Variants in IST1 observed in about 807,000 individuals in gnomAD.
IST1 encodes IST1 factor associated with ESCRT-III, also known as IST1 homolog.
A neutral mutation model predicts 37.0 loss-of-function variants in IST1; 23 were observed. The observed-to-expected ratio is 0.62, with a 90% CI of 0.45 to 0.88. The LOEUF is 0.88. Ranked by LOEUF, IST1 falls within the 40% of genes least tolerant of loss-of-function variation. The pLI, the probability that IST1 is intolerant of heterozygous loss-of-function variation, is 0.00. For synonymous variants in IST1, 180 were observed against 161.7 expected (o/e 1.11, Z -0.86); for missense variants, 488 against 445.4 (o/e 1.10, Z -0.86).
rs748584204 is a variant in IST1 at position 71,929,180 on chromosome 16, C to T, written c.*1367C>T. 7 of 184,156 alleles carry T rather than the reference C, an allele frequency of 3.8e-5. No homozygotes were observed. The highest frequency in any genetic ancestry group is 8.0e-5 in the Non-Finnish European group (7 of 87,106). 11.4% of individuals were successfully genotyped at this position (184,156 alleles called of 1,614,324 possible). A position where few individuals can be genotyped will look rare whatever the true frequency, so the allele number is the denominator to read the frequency against. The stretch of plus-strand genomic sequence containing the variant: ...AGCCCAGATAGCATCTGTGAATTTC[C>T]TTGGTCTTCCTCAGTGGCAGGGCTC... On this transcript the variant is annotated 3_prime_UTR_variant, in exon 10 of 10. Coordinates refer to ENST00000378799, the MANE Select transcript of IST1 (RefSeq NM_001270975.2).
chr16:71,916,077 C>G (rs2037460305), intron 2 of IST1, among the ~76,000 whole-genome samples: 1 of 152,114 alleles, frequency 6.6e-6, no homozygotes, highest in Non-Finnish European at 1.5e-5. Flanking sequence ...AGTCATCTGC[C>G]TGCCTCAGCC....
rs2143032152 is a variant in IST1 at position 71,929,347 on chromosome 16, G to A, written c.*1534G>A. ...TGCTGCTTGGCAGCAGAGCTAGTTT[G>A]TCTCGTAGTATTCTTGCATTGTTAA... On this transcript the variant is annotated 3_prime_UTR_variant, in exon 10 of 10. Coordinates refer to ENST00000378799, the MANE Select transcript of IST1 (RefSeq NM_001270975.2). The A allele has an allele frequency of 1.9e-6, 1 of 529,810 alleles. No homozygotes were observed. Among genetic ancestry groups the A allele is most frequent in the East Asian group, 3.3e-5 (1 of 29,910 alleles). The allele number at this position is 529,810 out of a possible 1,614,324, so 32.8% of individuals were successfully genotyped here. A position where few individuals can be genotyped will look rare whatever the true frequency, so the allele number is the denominator to read the frequency against.
chr16:71,924,143 C>T (rs1032394014), intron 8 of IST1: 124 of 455,820 alleles, frequency 2.7e-4, no homozygotes, highest in Admixed American at 1.5e-3. Flanking sequence ...GTTTTGCATG[C>T]GTCACATAAC....
In IST1 at chr16:71,922,533, G is replaced by A; in HGVS notation, c.612G>A (p.Val204=). 14 of 1,614,220 alleles carry A rather than the reference G, an allele frequency of 8.7e-6. No homozygotes were observed. Among genetic ancestry groups the A allele is most frequent in the Middle Eastern group, 1.6e-4 (1 of 6,062 alleles). Residue 204 remains valine, a synonymous_variant, in exon 7 of 10, where the codon GTG becomes GTA. Coordinates refer to ENST00000378799, the MANE Select transcript of IST1 (RefSeq NM_001270975.2). ...DLIDVGFTDD[V]KKGGPGRGGS... ...TTGATGTTGGATTCACAGATGATGT[G>A]AAGAAAGGAGGCCCTGGAAGAGGAG...
At position 71,927,228 on chromosome 16, in the gene IST1, G is replaced by C. The variant is rs536459823; in HGVS notation, c.902-386G>C. ...AATTAACTTTTTTTTAGCCAGATGC[G>C]GTGGCTCACACCTGTAATCCAGCAC... is the stretch of plus-strand genomic sequence containing the variant. On this transcript the variant is annotated intron_variant, in intron 9 of 9. Transcript: ENST00000378799. Among the ~76,000 whole-genome samples the C allele has an allele frequency of 2.0e-5, 3 of 151,980 alleles. No homozygotes were observed. The East Asian group carries it at 5.8e-4, about 29-fold the overall frequency.
chr16:71,915,958 G>A (rs559928028), intron 2 of IST1, among the ~76,000 whole-genome samples: 1 of 152,048 alleles, frequency 6.6e-6, no homozygotes, highest in South Asian at 2.1e-4. Flanking sequence ...AGCCTCCCAA[G>A]TAGCTGGGAT....
intron 8 of IST1, 100 bp downstream of exon 8, chr16:71,923,480 T>C (rs181476127): frequency 6.7e-5 from 44 of 660,566 alleles, no homozygotes; most frequent in Admixed American, 5.2e-4. Flanking sequence ...GATCAACTCC[T>C]AGTACTGTCA....
In IST1 at chr16:71,922,583, T is replaced by C. The variant is rs753329768; in HGVS notation, c.662T>C (p.Val221Ala). 1 of 1,613,692 alleles carries C rather than the reference T, an allele frequency of 6.2e-7. No individual in the cohort carries two copies. Among genetic ancestry groups the C allele is most frequent in the Non-Finnish European group, 8.5e-7 (1 of 1,179,938 alleles). The change falls in exon 7 of 10, where the codon GTT becomes GCT. Residue 221 changes from valine (V) to alanine (A), a missense_variant. This residue lies in a region of IST1 where 455 missense variants were observed against 386.2 expected (regional missense o/e 1.18). Coordinates refer to ENST00000378799, the MANE Select transcript of IST1 (RefSeq NM_001270975.2). ...GGGAGTGGTGGCTTCACAGCACCAG[T>C]TGGTGGACCTGATGGAACGGTGCCA... is the stretch of plus-strand genomic sequence containing the variant. ...RGGSGGFTAP[V>A]GGPDGTVPMP... is the part of the protein sequence containing the mutation.
Position 71,921,358 on chromosome 16 carries a change from A to T in IST1, c.457A>T (p.Ser153Cys). The change falls in exon 6 of 10, where the codon AGT becomes TGT. Residue 153 changes from serine (S) to cysteine (C), a missense_variant. Coordinates refer to ENST00000378799, the MANE Select transcript of IST1 (RefSeq NM_001270975.2). ...TVNDRLMHKL[S>C]VEAPPKILVE... ...TTACTTACAGCTAATGCACAAGCTG[A>T]GTGTGGAAGCCCCACCCAAAATCCT... is the stretch of plus-strand genomic sequence containing the variant. 1.2e-6 allele frequency: 2 copies of T among 1,610,982 alleles called. No homozygotes were observed. The highest frequency in any genetic ancestry group is 1.7e-6 in the Non-Finnish European group (2 of 1,177,872).
At chr16:71,909,985 A>C (rs1444440008) in intron 1 of IST1, among the ~76,000 whole-genome samples, 3 of 152,190 alleles carry the variant, frequency 2.0e-5, no homozygotes, top group African/African-American at 4.8e-5. Flanking sequence ...ATGTCTTCTA[A>C]TTTCAGTCAC....
intron 5 of IST1, 53 bp from the exon 6 acceptor site, chr16:71,921,290 G>T (rs540891495): frequency 9.4e-7 from 1 of 1,060,534 alleles, no homozygotes; most frequent in Admixed American, 1.7e-5. Context: ...GTGAGGTGAG[G>T]ATTAGGCTGG....
At chr16:71,898,536 T>C (rs1035581751) in intron 1 of IST1, among the ~76,000 whole-genome samples, 1 of 148,146 alleles carries the variant, frequency 6.8e-6, no homozygotes, top group African/African-American at 2.5e-5. Flanking sequence ...ATACAAAAAT[T>C]AGTTGGGCAT....
At chr16:71,920,694 G>A (rs373916897) in intron 4 of IST1, 45 bp from the exon 5 acceptor site, 192 of 1,383,024 alleles carry the variant, frequency 1.4e-4, no homozygotes, top group Middle Eastern at 1.8e-4. Context: ...AAAGCAGTCC[G>A]TTGGAGTGGT....
intron 1 of IST1, among the ~76,000 whole-genome samples, chr16:71,903,863 A>T (rs1188483814): frequency 2.6e-5 from 4 of 152,150 alleles, no homozygotes; most frequent in Admixed American, 2.6e-4. Context: ...TCTGTCTGCT[A>T]GGTTGATCAG....
intron 1 of IST1, among the ~76,000 whole-genome samples, chr16:71,900,844 T>C (rs1263953390): frequency 6.6e-6 from 1 of 152,194 alleles, no homozygotes; most frequent in Non-Finnish European, 1.5e-5. Flanking sequence ...TGAATGTCTG[T>C]TGTAGACAGT....
chr16:71,909,095 C>CTTTTTTTTTT (rs34086105), intron 1 of IST1, among the ~76,000 whole-genome samples: 5 of 102,940 alleles, frequency 4.9e-5, no homozygotes, highest in East Asian at 3.6e-4. Flanking sequence ...TTTTGTTTGT[C>CTTTTTTTTTT]TTTTTTTTTT....
chr16:71,917,929 G>A (rs2037500803), intron 4 of IST1, among the ~76,000 whole-genome samples: 1 of 152,022 alleles, frequency 6.6e-6, no homozygotes, highest in Non-Finnish European at 1.5e-5. Flanking sequence ...TAGTTTTATA[G>A]TAGAGGCTTT....
chr16:71,910,811 A>G (rs751402511), intron 1 of IST1, among the ~76,000 whole-genome samples: 1 of 151,260 alleles, frequency 6.6e-6, no homozygotes, highest in African/African-American at 2.5e-5. Context: ...ATATTCATCA[A>G]TTTGGAGTAT....
intron 9 of IST1, among the ~76,000 whole-genome samples, chr16:71,927,052 G>T (rs894676409): frequency 6.6e-6 from 1 of 152,128 alleles, no homozygotes; most frequent in Non-Finnish European, 1.5e-5. Flanking sequence ...CTTATGAAAA[G>T]GAACAGTCGA....
Sources: gnomAD v4.1 joint callset for allele counts (sites outside exome capture counted in the v4.1 genomes callset) on GRCh38, gnomAD v4.1.1 for gene constraint, gnomAD v4.1.1 regional missense constraint, MANE v1.5 for transcripts, NCBI Gene and HGNC (gene_info 2026-07-23, HGNC 2026-07-21) for gene names.